ASAP1: variants seen among roughly 807,000 people sequenced by gnomAD.
ASAP1 encodes the protein arf-GAP with SH3 domain, ANK repeat and PH domain-containing protein 1.
Under a neutral mutation model 145.2 loss-of-function variants are expected in ASAP1, and 43 were observed. The ratio of observed to expected loss-of-function variants is 0.30; its 90% CI spans 0.23 to 0.38. ASAP1 has a LOEUF of 0.38. ASAP1 is among the 10% of genes least tolerant of loss of function. The pLI is 1.00. For missense variants in ASAP1, 1,018 were observed against 1,355.3 expected, an observed-to-expected ratio of 0.75 and a Z score of 3.91; for synonymous variants, 546 against 515.5, an observed-to-expected ratio of 1.06 and a Z score of -0.80.
intron 27 of ASAP1, among the ~76,000 whole-genome samples, chr8:130,074,593 A>G (rs1394152660): frequency 6.6e-6 from 1 of 152,178 alleles, no homozygotes; most frequent in Admixed American, 6.5e-5. Context: ...GGAAGGAAAC[A>G]GCAATGCAAA....
intron 4 of ASAP1, among the ~76,000 whole-genome samples, chr8:130,215,158 C>T (rs749049015): frequency 1.3e-4 from 20 of 152,120 alleles, no homozygotes; most frequent in Non-Finnish European, 2.4e-4. Flanking sequence ...CCTCGGCCTC[C>T]AAAAGTGCTG....
At chr8:130,185,747 A>G (rs1814678518) in intron 7 of ASAP1, among the ~76,000 whole-genome samples, 1 of 150,032 alleles carries the variant, frequency 6.7e-6, no homozygotes, top group African/African-American at 2.4e-5. Context: ...AAAAAAAAAA[A>G]AGAAAAAGAA....
At chr8:130,238,057 T>C (rs555067262) in intron 3 of ASAP1, among the ~76,000 whole-genome samples, 116 of 152,230 alleles carry the variant, frequency 7.6e-4, no homozygotes, top group African/African-American at 2.6e-3. Context: ...AGAGGCTAAG[T>C]ACTTCCCTGA....
Position 130,112,094 on chromosome 8 carries a change from C to T in ASAP1, c.2401G>A (p.Gly801Ser). The T allele has an allele frequency of 6.2e-7, 1 of 1,613,366 alleles. No homozygotes were observed. Among genetic ancestry groups the T allele is most frequent in the Non-Finnish European group, 8.5e-7 (1 of 1,179,470 alleles). The change falls in exon 24 of 30, where the codon GGT (glycine) becomes AGT (serine). Residue 801 changes from glycine to serine, a missense_variant and splice_region_variant. By Grantham distance (56) the Gly-to-Ser change is moderately conservative. Around this residue, in one of 9 missense-constraint regions of ASAP1, gnomAD observed 353 missense variants for 375.4 expected, o/e 0.94. Coordinates refer to ENST00000518721, the MANE Select transcript of ASAP1 (RefSeq NM_018482.4). The part of the protein sequence containing the change: ...PPLPPRNAGK[G>S]PTGPPSTLPL... Reference sequence around the variant, plus strand: ...CACAAGCCCTTCTCAAAGCCCATACCTTTCCCGGCGTTCCTAGGAGGCAGA... The same window carrying T: ...CACAAGCCCTTCTCAAAGCCCATACTTTTCCCGGCGTTCCTAGGAGGCAGA...
At chr8:130,254,379 G>C (rs544358117) in intron 3 of ASAP1, among the ~76,000 whole-genome samples, 1 of 152,200 alleles carries the variant, frequency 6.6e-6, no homozygotes, top group African/African-American at 2.4e-5. Context: ...CTCAAATGGT[G>C]AGAAGTAATC....
chr8:130,161,735 G>A (rs2097669633), intron 11 of ASAP1, among the ~76,000 whole-genome samples: 1 of 152,152 alleles, frequency 6.6e-6, no homozygotes, highest in South Asian at 2.1e-4. Flanking sequence ...GGAGAGATGA[G>A]GCATGGACTT....
intron 27 of ASAP1, among the ~76,000 whole-genome samples, chr8:130,072,167 C>G (rs2097448046): frequency 6.6e-6 from 1 of 152,206 alleles, no homozygotes; most frequent in South Asian, 2.1e-4. Flanking sequence ...CAGTGAGCCT[C>G]TGGAGAGCTG....
intron 2 of ASAP1, among the ~76,000 whole-genome samples, chr8:130,363,475 CCTT>C (rs1277997409): frequency 1.3e-5 from 2 of 152,184 alleles, no homozygotes; most frequent in Non-Finnish European, 2.9e-5. Context: ...ATACATTTAT[CCTT>C]CTTTAAGCCT....
intron 2 of ASAP1, chr8:130,360,616 C>G (rs1826666404): frequency 6.6e-6 from 1 of 152,168 alleles, no homozygotes; most frequent in Non-Finnish European, 1.5e-5. Context: ...TCTTCCCTGG[C>G]AAAGGGAAGT....
intron 28 of ASAP1, among the ~76,000 whole-genome samples, chr8:130,060,075 CAAAAAAAAAAAA>C (rs55875346): frequency 2.3e-4 from 22 of 95,902 alleles, no homozygotes; most frequent in South Asian, 8.5e-4. Flanking sequence ...GAGCCCTTCT[CAAAAAAAAAAAA>C]AAAAAAAAAA....
chr8:130,115,215 C>A (rs2097553236), intron 23 of ASAP1, among the ~76,000 whole-genome samples: 1 of 152,150 alleles, frequency 6.6e-6, no homozygotes, highest in Admixed American at 6.5e-5. Flanking sequence ...GTGGGTGTGC[C>A]TCACCTAATC....
intron 1 of ASAP1, among the ~76,000 whole-genome samples, chr8:130,433,289 A>G (rs1830200764): frequency 6.6e-6 from 1 of 152,190 alleles, no homozygotes; most frequent in Admixed American, 6.5e-5. Flanking sequence ...AGACCTCCCC[A>G]AAAATAGCCA....
Position 130,125,917 on chromosome 8 carries a change from C to T in ASAP1, c.1515+39G>A, listed in dbSNP as rs1412238069. 3.2e-6 allele frequency: 5 copies of T among 1,571,548 alleles called. No homozygotes were observed. The South Asian group carries it at 5.9e-5, about 19-fold the overall frequency. On this transcript the variant is annotated intron_variant, in intron 17 of 29. Coordinates refer to ENST00000518721, the MANE Select transcript of ASAP1 (RefSeq NM_018482.4). ...AACAATATATTAAAATTACTCATGACAATAATATCATTCTTCCCAAGTACA... is the reference window on the plus strand; with the variant it reads ...AACAATATATTAAAATTACTCATGATAATAATATCATTCTTCCCAAGTACA...
intron 1 of ASAP1, among the ~76,000 whole-genome samples, chr8:130,403,554 CTTTT>C (rs372481861): frequency 1.6e-5 from 2 of 125,380 alleles, no homozygotes; most frequent in Non-Finnish European, 3.3e-5. Flanking sequence ...TTTTCTTTTT[CTTTT>C]TTTTTTTTTT....
At chr8:130,300,153 C>CACACACAGAGAGAGAGAGAGAG (rs1196584279) in intron 3 of ASAP1, among the ~76,000 whole-genome samples, 53 of 76,910 alleles carry the variant, frequency 6.9e-4, no homozygotes, top group Non-Finnish European at 9.9e-4. Flanking sequence ...CACACACACA[C>CACACACAGAGAGAGAGAGAGAG]AGAGAGAGAG....
chr8:130,199,073 T>C (rs1458921852), intron 5 of ASAP1, among the ~76,000 whole-genome samples: 1 of 152,212 alleles, frequency 6.6e-6, no homozygotes, highest in Non-Finnish European at 1.5e-5. Flanking sequence ...CCTTGACCAT[T>C]CTAAATAATA....
intron 3 of ASAP1, among the ~76,000 whole-genome samples, chr8:130,278,336 A>C (rs1395661787): frequency 6.6e-6 from 1 of 152,204 alleles, no homozygotes; most frequent in Non-Finnish European, 1.5e-5. Flanking sequence ...TTATTAAATT[A>C]AAAGGGTGTG....
Position 130,152,472 on chromosome 8 carries a change from A to G in ASAP1, c.1080+264T>C, listed in dbSNP as rs553633534. On this transcript the variant is annotated intron_variant, in intron 13 of 29. Transcript: ENST00000518721. ...AGACCTAGGTTTTTCAGAACAATCAATATTTCCCAAAAGATAATATTATGA... is the reference window on the plus strand; with the variant it reads ...AGACCTAGGTTTTTCAGAACAATCAGTATTTCCCAAAAGATAATATTATGA... 24 of 279,788 alleles carry G rather than the reference A, an allele frequency of 8.6e-5. 1 individual carries two copies. Among genetic ancestry groups the G allele is most frequent in the Admixed American group, 4.1e-4 (8 of 19,516 alleles). The allele number at this position is 279,788 out of a possible 1,614,324, so 17.3% of individuals were successfully genotyped here. A position where few individuals can be genotyped will look rare whatever the true frequency, so the allele number is the denominator to read the frequency against.
chr8:130,138,742 A>G (rs2097601522), intron 13 of ASAP1, among the ~76,000 whole-genome samples: 1 of 151,072 alleles, frequency 6.6e-6, no homozygotes, highest in South Asian at 2.1e-4. Flanking sequence ...AGGCTGAGGC[A>G]GGAGAATCGC....
Sources: gnomAD v4.1 joint callset for allele counts (sites outside exome capture counted in the v4.1 genomes callset) on GRCh38, gnomAD v4.1.1 for gene constraint, gnomAD v4.1.1 regional missense constraint, MANE v1.5 for transcripts, NCBI Gene and HGNC (gene_info 2026-07-23, HGNC 2026-07-21) for gene names.